MEGF11: variants seen among roughly 807,000 people sequenced by gnomAD.
MEGF11 encodes multiple epidermal growth factor-like domains protein 11.
Under a neutral mutation model 146.6 loss-of-function variants are expected in MEGF11, and 126 were observed. That is an observed-to-expected ratio of 0.86 (90% confidence interval 0.74 to 1.00). The LOEUF is 1.00. Among genes scored for constraint, MEGF11 ranks in the 50% least tolerant of loss-of-function variants. The pLI is 0.00. For missense variants in MEGF11, 1,509 were observed against 1,521.2 expected (o/e 0.99, Z 0.13); for synonymous variants, 532 against 583.4 (o/e 0.91, Z 1.27).
intron 1 of MEGF11, 21 bp from the exon 2 acceptor site, chr15:66,128,432 G>A (rs1402107071): frequency 2.9e-6 from 4 of 1,384,122 alleles, no homozygotes; most frequent in East Asian, 5.7e-5. Context: ...GAACAAAGGA[G>A]GCTGCGTCTG....
chr15:66,142,576 C>T (rs557757599), intron 1 of MEGF11, among the ~76,000 whole-genome samples: 5 of 152,194 alleles, frequency 3.3e-5, no homozygotes, highest in South Asian at 4.2e-4. Flanking sequence ...CCGGCACGAC[C>T]GCCAGCCTGG....
At chr15:65,992,073 A>G (rs113801267) in intron 5 of MEGF11, among the ~76,000 whole-genome samples, 3,843 of 152,322 alleles carry the variant, frequency 0.025, 136 homozygotes, top group African/African-American at 0.076. Context: ...GGGAGCGGGC[A>G]GTGTCTCGGG....
intron 1 of MEGF11, among the ~76,000 whole-genome samples, chr15:66,170,150 A>C (rs1054811476): frequency 6.6e-6 from 1 of 152,220 alleles, no homozygotes; most frequent in African/African-American, 2.4e-5. Flanking sequence ...TAATAATAGC[A>C]ACAGGAGGAA....
chr15:66,151,928 T>C (rs144408447), intron 1 of MEGF11, among the ~76,000 whole-genome samples: 5 of 152,374 alleles, frequency 3.3e-5, no homozygotes, highest in African/African-American at 7.2e-5. Context: ...AAAGCAATCA[T>C]AGGCATTGAG....
At chr15:65,968,223 G>C (rs1225753645) in intron 8 of MEGF11, among the ~76,000 whole-genome samples, 4 of 152,168 alleles carry the variant, frequency 2.6e-5, no homozygotes, top group Non-Finnish European at 5.9e-5. Context: ...TGAGGCAGAA[G>C]GGGAGGAAAA....
intron 5 of MEGF11, among the ~76,000 whole-genome samples, chr15:65,984,525 CAAAAAAAA>C (rs35017296): frequency 1.0e-4 from 5 of 49,520 alleles, no homozygotes; most frequent in African/African-American, 1.8e-4. Flanking sequence ...GACTCCGTGT[CAAAAAAAA>C]AAAAAAAAAA....
chr15:65,930,955 G>A lies in MEGF11; in HGVS notation c.1288-12C>T. On this transcript the variant is annotated splice_polypyrimidine_tract_variant and intron_variant, in intron 10 of 25. Transcript: ENST00000395614. ...GCACAGACCTCTCCCTGGAAAGGGA[G>A]GGGGTGAATTTTGGATCAAAGGTTG... 1.3e-6 allele frequency: 2 copies of A among 1,568,452 alleles called. No individual in the cohort carries two copies. The highest frequency in any genetic ancestry group is 1.7e-6 in the Non-Finnish European group (2 of 1,151,222).
intron 16 of MEGF11, 100 bp from the exon 17 acceptor site, chr15:65,917,056 A>G (rs2141226554): frequency 7.8e-7 from 1 of 1,276,066 alleles, no homozygotes; most frequent in East Asian, 2.9e-5. Context: ...AGATGCCAAG[A>G]TGGACCTGGC....
intron 10 of MEGF11, among the ~76,000 whole-genome samples, chr15:65,951,523 C>A (rs1000624044): frequency 1.3e-5 from 2 of 152,076 alleles, no homozygotes; most frequent in Non-Finnish European, 2.9e-5. Context: ...CCCGTCTCTA[C>A]TAAAAATACA....
At chr15:65,967,451 A>T (rs1281454848) in intron 8 of MEGF11, among the ~76,000 whole-genome samples, 1 of 152,188 alleles carries the variant, frequency 6.6e-6, no homozygotes, top group African/African-American at 2.4e-5. Flanking sequence ...TTAAAAAAAA[A>T]TACAGCTCTA....
chr15:66,160,664 GACACACACACACACACACACACAC>G (rs3221608), intron 1 of MEGF11, among the ~76,000 whole-genome samples: 1 of 137,612 alleles, frequency 7.3e-6, no homozygotes, highest in East Asian at 2.1e-4. Context: ...GCCCTAAGGG[GACACACACACACACACACACACAC>G]ACACACACAC....
At chr15:65,905,981 A>G in intron 24 of MEGF11, 104 bp downstream of exon 24, 1 of 906,028 alleles carries the variant, frequency 1.1e-6, no homozygotes, top group South Asian at 1.6e-5. Flanking sequence ...TGTGGGGGGC[A>G]GGCACACACA....
At chr15:66,108,715 G>A (rs1199869955) in intron 4 of MEGF11, among the ~76,000 whole-genome samples, 10 of 152,202 alleles carry the variant, frequency 6.6e-5, no homozygotes, top group Non-Finnish European at 1.5e-4. Context: ...GGGAGGCACA[G>A]AGTCAGCTGG....
intron 1 of MEGF11, among the ~76,000 whole-genome samples, chr15:66,152,746 C>T (rs1285009120): frequency 1.3e-5 from 2 of 152,228 alleles, no homozygotes; most frequent in African/African-American, 2.4e-5. Flanking sequence ...CCCACTGTGG[C>T]CTGTGGATGC....
rs1018418898 is a variant in MEGF11 at position 65,897,102 on chromosome 15, T to G, written c.*832A>C. 1 of 152,222 alleles carries G rather than the reference T, an allele frequency of 6.6e-6. No individual in the cohort carries two copies. The highest frequency in any genetic ancestry group is 2.4e-5 in the African/African-American group (1 of 41,456). The allele number at this position is 152,222 out of a possible 1,614,324, so 9.4% of individuals were successfully genotyped here. ...ATGACTGCTTGCTTAAAGGATCATC[T>G]TAGAGCTCTGTTTTACATGGAATGA... is the stretch of plus-strand genomic sequence containing the variant. On this transcript the variant is annotated 3_prime_UTR_variant, in exon 26 of 26. Transcript: ENST00000395614.
At chr15:65,980,668 G>T (rs1348676826) in intron 7 of MEGF11, 110 bp downstream of exon 7, 2 of 1,395,570 alleles carry the variant, frequency 1.4e-6, no homozygotes, top group Non-Finnish European at 1.9e-6. Flanking sequence ...CAAAGTGCTG[G>T]GATTACAGTC....
chr15:66,007,620 C>T (rs952029573), intron 5 of MEGF11, among the ~76,000 whole-genome samples: 13 of 152,128 alleles, frequency 8.5e-5, no homozygotes, highest in African/African-American at 2.9e-4. Flanking sequence ...CATGGTGGTA[C>T]GTGCTCGTGG....
chr15:66,185,398 T>C (rs754097578), intron 1 of MEGF11, among the ~76,000 whole-genome samples: 2 of 151,852 alleles, frequency 1.3e-5, no homozygotes, highest in Non-Finnish European at 2.9e-5. Flanking sequence ...TTTTGTGGGG[T>C]TTTTTTTCTT....
At chr15:66,132,038 C>T (rs770780450) in intron 1 of MEGF11, among the ~76,000 whole-genome samples, 2 of 152,228 alleles carry the variant, frequency 1.3e-5, no homozygotes, top group Non-Finnish European at 2.9e-5. Context: ...AAGGAAAATG[C>T]CGCCAGGTTG....
Sources: gnomAD v4.1 joint callset for allele counts (sites outside exome capture counted in the v4.1 genomes callset) on GRCh38, gnomAD v4.1.1 for gene constraint, MANE v1.5 for transcripts, NCBI Gene and HGNC (gene_info 2026-07-23, HGNC 2026-07-21) for gene names.